Variants in JADE3 observed in about 807,000 individuals in gnomAD.
JADE3 encodes protein Jade-3.
JADE3 carries 2 observed loss-of-function variants against 50.1 expected under a neutral mutation model. The observed-to-expected ratio is 0.04, with a 90% CI of 0.02 to 0.13. The LOEUF (loss-of-function observed/expected upper bound fraction) is 0.13. Ranked by LOEUF, JADE3 falls within the 10% of genes least tolerant of loss-of-function variation. The probability of loss-of-function intolerance (pLI) is 1.00; values close to 1 mark genes in which losing one functional copy is unlikely to be tolerated. For synonymous variants in JADE3, 218 were observed against 232.9 expected (o/e 0.94, Z 0.58); for missense variants, 475 against 634.4 (o/e 0.75, Z 2.70).
chrX:46,922,851 T>C (rs1366243345), intron 1 of JADE3, among the ~76,000 whole-genome samples: 2 of 111,865 alleles, frequency 1.8e-5, no homozygotes, highest in Admixed American at 1.9e-4. Context: ...GTAATTCCTT[T>C]GTCACTTGGA....
At chrX:47,006,235 T>G (rs1390442281) in intron 4 of JADE3, among the ~76,000 whole-genome samples, 1 of 111,132 alleles carries the variant, frequency 9.0e-6, no homozygotes. Context: ...TCTTTTTTTC[T>G]TGCTATAGGT....
intron 4 of JADE3, among the ~76,000 whole-genome samples, chrX:47,000,370 C>T (rs1007341423): frequency 2.9e-4 from 32 of 110,881 alleles, no homozygotes; most frequent in African/African-American, 1.0e-3. Context: ...GTGTGACTAG[C>T]ATCTTGACTT....
At position 46,994,585 on chromosome X, in the gene JADE3, A is replaced by G. The variant is rs370647534; in HGVS notation, c.127-3535A>G. ...GTGTTTTATTTTGTGAAGTTTCTAC[A>G]TTACCTTGTGGCCTTTGGAACGTTA... On this transcript the variant is annotated intron_variant, in intron 3 of 10. Coordinates refer to ENST00000614628, the MANE Select transcript of JADE3 (RefSeq NM_014735.5). Among the ~76,000 whole-genome samples, 77 of 111,913 alleles carry G rather than the reference A, an allele frequency of 6.9e-4. No homozygotes were observed. In the South Asian group the frequency reaches 0.026, roughly 38 times the overall value.
At chrX:46,948,888 T>C (rs1926939294) in intron 1 of JADE3, among the ~76,000 whole-genome samples, 1 of 111,606 alleles carries the variant, frequency 9.0e-6, no homozygotes, top group Non-Finnish European at 1.9e-5. Context: ...TTTCACACTT[T>C]GTGTAGATGG....
chrX:46,995,792 A>G (rs1269209121), intron 3 of JADE3, among the ~76,000 whole-genome samples: 3 of 111,450 alleles, frequency 2.7e-5, no homozygotes, highest in African/African-American at 9.8e-5. Flanking sequence ...ATTGACTTCC[A>G]TAGCAAAATA....
At chrX:46,992,381 A>C (rs1556356229) in intron 3 of JADE3, among the ~76,000 whole-genome samples, 1 of 25,419 alleles carries the variant, frequency 3.9e-5, no homozygotes, top group African/African-American at 1.6e-4. Flanking sequence ...CCCCCCCCCC[A>C]TAACTACAGC....
chrX:46,989,065 C>T (rs1311395207), intron 3 of JADE3, among the ~76,000 whole-genome samples: 2 of 111,353 alleles, frequency 1.8e-5, no homozygotes, highest in African/African-American at 3.3e-5. Flanking sequence ...TTCTTGAACT[C>T]CTGACCTCGT....
chrX:47,055,546 T>C (rs1275068826), intron 9 of JADE3, among the ~76,000 whole-genome samples: 1 of 112,240 alleles, frequency 8.9e-6, no homozygotes, highest in Non-Finnish European at 1.9e-5. Context: ...ATGAACAAAC[T>C]GGGGCAAAGA....
chrX:46,988,338 T>C (rs971121610), intron 3 of JADE3, among the ~76,000 whole-genome samples: 36 of 111,284 alleles, frequency 3.2e-4, no homozygotes, highest in African/African-American at 1.1e-3. Flanking sequence ...TTTGTTTGTT[T>C]GTTTTGCAGG....
intron 8 of JADE3, among the ~76,000 whole-genome samples, chrX:47,049,755 CTTTTTTT>C (rs536912145): frequency 1.3e-4 from 7 of 55,891 alleles, no homozygotes; most frequent in East Asian, 5.7e-4. Context: ...TCTTCTTCTT[CTTTTTTT>C]TTTTTTTTTT....
chrX:46,913,214 C>T (rs1926004459), intron 1 of JADE3, among the ~76,000 whole-genome samples: 1 of 111,142 alleles, frequency 9.0e-6, no homozygotes, highest in Non-Finnish European at 1.9e-5. Context: ...AGGGCGCGCC[C>T]TGGCTGTTTA....
At chrX:46,954,121 A>G (rs1427765323) in intron 1 of JADE3, among the ~76,000 whole-genome samples, 5 of 111,460 alleles carry the variant, frequency 4.5e-5, no homozygotes, top group African/African-American at 9.8e-5. Context: ...TAGGGCCCCA[A>G]CTGTGTCTCT....
intron 8 of JADE3, among the ~76,000 whole-genome samples, chrX:47,045,063 G>A (rs1009794046): frequency 9.0e-6 from 1 of 111,067 alleles, no homozygotes; most frequent in African/African-American, 3.3e-5. Flanking sequence ...AAATAAAATG[G>A]CAGGAATAAG....
At chrX:47,025,045 G>T in intron 5 of JADE3, 131 bp downstream of exon 5, 1 of 400,520 alleles carries the variant, frequency 2.5e-6, no homozygotes, top group East Asian at 4.1e-5. Context: ...TTTTCTCATT[G>T]ATTTTATCTT....
chrX:46,912,971 GCCTGGT>G (rs1310329018), intron 1 of JADE3: 1 of 112,465 alleles, frequency 8.9e-6, no homozygotes, highest in Non-Finnish European at 1.9e-5. Context: ...CCCGGGTAGT[GCCTGGT>G]GGCCCGGGCG....
At chrX:46,989,114 A>G (rs1157031785) in intron 3 of JADE3, among the ~76,000 whole-genome samples, 2 of 111,802 alleles carry the variant, frequency 1.8e-5, no homozygotes, top group Non-Finnish European at 3.8e-5. Context: ...CTGGGATTAC[A>G]GACGTGAGCC....
intron 3 of JADE3, among the ~76,000 whole-genome samples, chrX:46,994,627 G>A: frequency 9.0e-6 from 1 of 111,389 alleles, no homozygotes; most frequent in Non-Finnish European, 1.9e-5. Context: ...GTTCTTGATG[G>A]GGCTCTTGCT....
At chrX:46,939,741 T>A (rs892993393) in intron 1 of JADE3, among the ~76,000 whole-genome samples, 2 of 112,115 alleles carry the variant, frequency 1.8e-5, no homozygotes, top group Non-Finnish European at 3.8e-5. Context: ...AAATTTTCAG[T>A]TTCTTCAGTG....
At chrX:46,917,794 G>T (rs1556336693) in intron 1 of JADE3, among the ~76,000 whole-genome samples, 1 of 33,810 alleles carries the variant, frequency 3.0e-5, no homozygotes, top group African/African-American at 1.4e-4. Flanking sequence ...TCTAATGGGA[G>T]GTCTGTCTCT....
Sources: gnomAD v4.1 joint callset for allele counts (sites outside exome capture counted in the v4.1 genomes callset) on GRCh38, gnomAD v4.1.1 for gene constraint, MANE v1.5 for transcripts, NCBI Gene and HGNC (gene_info 2026-07-23, HGNC 2026-07-21) for gene names.